NPAS4: variants seen among roughly 807,000 people sequenced by gnomAD.
NPAS4 encodes the protein neuronal PAS domain protein 4.
Under a neutral mutation model 64.0 loss-of-function variants are expected in NPAS4, and 10 were observed. The observed-to-expected ratio is 0.16, with a 90% CI of 0.10 to 0.26. NPAS4 has a LOEUF of 0.26. Ranked by LOEUF, NPAS4 falls within the 10% of genes least tolerant of loss-of-function variation. The probability of loss-of-function intolerance (pLI) is 1.00; values close to 1 mark genes in which losing one functional copy is unlikely to be tolerated. For missense variants in NPAS4, 886 were observed against 992.6 expected, an observed-to-expected ratio of 0.89 and a Z score of 1.44; for synonymous variants, 441 against 411.7, an observed-to-expected ratio of 1.07 and a Z score of -0.86.
chr11:66,414,115 G>A, the NPAS4 span, among the ~76,000 whole-genome samples: 1 of 152,158 alleles, frequency 6.6e-6, no homozygotes, highest in South Asian at 2.1e-4. Context: ...TGCAGAGTGC[G>A]GTGACGAGGA....
rs148733381 is a variant in NPAS4 at position 66,423,655 on chromosome 11, T to G, written c.886T>G (p.Cys296Gly). The G allele has an allele frequency of 1.2e-6, 2 of 1,614,020 alleles. No homozygotes were observed. The highest frequency in any genetic ancestry group is 1.7e-6 in the Non-Finnish European group (2 of 1,179,996). The change falls in exon 6 of 8, where the codon TGC (cysteine) becomes GGC (glycine). Residue 296 changes from cysteine (C) to glycine (G), a missense_variant. Cys to Gly is a radical substitution (Grantham distance 159). Transcript: ENST00000311034. ...GACTGGAGGCTGGGCATGGATTTAC[T>G]GCCTGTTATACTCAGAAGGTCCAGA... ...AKTGGWAWIY[C>G]LLYSEGPEGP... is the part of the protein sequence containing the mutation.
chr11:66,410,281 G>T, the NPAS4 span: 2 of 152,390 alleles, frequency 1.3e-5, no homozygotes, highest in Non-Finnish European at 2.9e-5. Flanking sequence ...ACCCAGAGGT[G>T]GAGCCGAACA....
chr11:66,419,190 G>A (rs1856702021), upstream of NPAS4, among the ~76,000 whole-genome samples: 1 of 152,144 alleles, frequency 6.6e-6, no homozygotes. Context: ...TGTCATCCAG[G>A]TCAATGGGGT....
upstream of NPAS4, among the ~76,000 whole-genome samples, chr11:66,420,717 C>T (rs1197013902): frequency 1.3e-5 from 2 of 152,220 alleles, no homozygotes; most frequent in Admixed American, 1.3e-4. Context: ...CTTCCCTCAA[C>T]TGAACGCATT....
chr11:66,413,875 T>G, the NPAS4 span, among the ~76,000 whole-genome samples: 2 of 152,150 alleles, frequency 1.3e-5, no homozygotes, highest in African/African-American at 4.8e-5. Flanking sequence ...CCCCTTGCTC[T>G]CTCACCAGCC....
rs1856791777 is a variant in NPAS4 at position 66,423,730 on chromosome 11, G to A, written c.944+17G>A. On this transcript the variant is annotated intron_variant, in intron 6 of 7. Transcript: ENST00000311034. ...CCCAATCAGGTAAGCCACAAGCCAG[G>A]GGACTAGGGGGCAGCTGAGGTCGTC... 2 of 1,613,790 alleles carry A rather than the reference G, an allele frequency of 1.2e-6. No individual in the cohort carries two copies. Among genetic ancestry groups the A allele is most frequent in the African/African-American group, 2.7e-5 (2 of 74,898 alleles).
At chr11:66,419,046 T>A (rs1033854762), upstream of NPAS4, among the ~76,000 whole-genome samples, 7 of 152,076 alleles carry the variant, frequency 4.6e-5, no homozygotes, top group Non-Finnish European at 1.0e-4. Flanking sequence ...CCCCTGGAAT[T>A]TCATACGGAA....
Position 66,424,812 on chromosome 11 carries a change from A to C in NPAS4, c.1922A>C (p.Gln641Pro), listed in dbSNP as rs1856813907. The change falls in exon 7 of 8, where the codon CAA (glutamine) becomes CCA (proline). Residue 641 changes from glutamine (Q) to proline (P), a missense_variant. Coordinates refer to ENST00000311034, the MANE Select transcript of NPAS4 (RefSeq NM_178864.4). ...EIDRLIQQIS[Q>P]LAQGMDRPFS... ...GACCGTCTCATCCAGCAGATTAGCC[A>C]ATTGGCTCAGGGCATGGACAGACCC... The C allele has an allele frequency of 6.2e-7, 1 of 1,613,878 alleles. No individual in the cohort carries two copies. Among genetic ancestry groups the C allele is most frequent in the Non-Finnish European group, 8.5e-7 (1 of 1,180,010 alleles).
At chr11:66,421,410 G>A (rs544028768) in intron 1 of NPAS4, 56 bp downstream of exon 1, 138 of 1,549,850 alleles carry the variant, frequency 8.9e-5, no homozygotes, top group Non-Finnish European at 1.2e-4. Context: ...AGACCCTGGA[G>A]CTGAGGGAAC....
chr11:66,423,034 A>AG, intron 4 of NPAS4, 89 bp from the exon 5 acceptor site: 5 of 1,510,632 alleles, frequency 3.3e-6, no homozygotes, highest in Non-Finnish European at 4.5e-6. Flanking sequence ...GATGGGGTTT[A>AG]GGGGGGCAGA....
the NPAS4 span, among the ~76,000 whole-genome samples, chr11:66,414,444 C>T: frequency 6.6e-6 from 1 of 152,142 alleles, no homozygotes; most frequent in Non-Finnish European, 1.5e-5. Flanking sequence ...CTTTTCCCAC[C>T]TGGGCTCTAC....
In NPAS4 at chr11:66,422,719, G is replaced by T. The variant is rs766810347; in HGVS notation, c.476G>T (p.Arg159Leu). The change falls in exon 4 of 8, where the codon CGC (arginine) becomes CTC (leucine). Residue 159 changes from arginine (R) to leucine (L), a missense_variant. By Grantham distance (102) the Arg-to-Leu change is moderately radical. Coordinates refer to ENST00000311034, the MANE Select transcript of NPAS4 (RefSeq NM_178864.4). ...CRFNTSKSLR[R>L]QSAGNKLVLI... is the part of the protein sequence containing the mutation. Reference sequence around the variant, plus strand: ...TTCAACACCTCCAAGTCCCTCAGGCGCCAGAGTGCAGGCAACAAACTCGTG... The same window carrying T: ...TTCAACACCTCCAAGTCCCTCAGGCTCCAGAGTGCAGGCAACAAACTCGTG... 2 of 1,613,964 alleles carry T rather than the reference G, an allele frequency of 1.2e-6. No homozygotes were observed. The highest frequency in any genetic ancestry group is 1.7e-6 in the Non-Finnish European group (2 of 1,179,954).
rs763522178 is a variant in NPAS4, at chr11:66,421,154, G to A, written c.-26G>A. On this transcript the variant is annotated 5_prime_UTR_variant, in exon 1 of 8. Transcript: ENST00000311034. ...CGGGAGCGCAGGTGCTCGGGCACCC[G>A]AGCTGGAGCTCCGCAGCCGCCGGTC... The A allele has an allele frequency of 1.3e-6, 2 of 1,570,724 alleles. No individual in the cohort carries two copies. Among genetic ancestry groups the A allele is most frequent in the African/African-American group, 1.4e-5 (1 of 73,662 alleles).
At position 66,422,858 on chromosome 11, in the gene NPAS4, T is replaced by C. The variant is rs1432332634; in HGVS notation, c.615T>C (p.Pro205=). 10 of 1,612,850 alleles carry C rather than the reference T, an allele frequency of 6.2e-6. No individual in the cohort carries two copies. Among genetic ancestry groups the C allele is most frequent in the Non-Finnish European group, 8.5e-6 (10 of 1,180,012 alleles). The change falls in exon 4 of 8, where the codon CCT becomes CCC. Residue 205 remains proline (P), a synonymous_variant. Coordinates refer to ENST00000311034, the MANE Select transcript of NPAS4 (RefSeq NM_178864.4). The stretch of plus-strand genomic sequence containing the variant: ...CGAGACCCCGCCCAGGTCCTGGCCC[T>C]GGCCCTGGCCCTGCCTCGCTCTTCC... ...LEPRPRPGPG[P]GPGPASLFLA... is the part of the protein sequence containing the mutation.
rs939601754 is a variant in NPAS4 at position 66,425,982 on chromosome 11, C to T, written c.2402C>T (p.Thr801Met). The T allele has an allele frequency of 5.0e-6, 8 of 1,611,650 alleles. No homozygotes were observed. Among genetic ancestry groups the T allele is most frequent in the East Asian group, 2.2e-5 (1 of 44,868 alleles). ...GCAGATGGAAGTGGAGGGGAACCAA[C>T]GTTTTGAATAAGTCTGTGACTTAAC... ...FHEDGSGGEP[T>M]F The change falls in exon 8 of 8, where the codon ACG becomes ATG. Residue 801 changes from threonine to methionine, a missense_variant. Thr to Met is a moderately conservative substitution (Grantham distance 81, BLOSUM62 -1). Around this residue, in one of 3 missense-constraint regions of NPAS4, gnomAD observed 28 missense variants for 57.0 expected, o/e 0.49. Transcript: ENST00000311034.
chr11:66,417,467 G>A (rs778749680), upstream of NPAS4, among the ~76,000 whole-genome samples: 1 of 152,158 alleles, frequency 6.6e-6, no homozygotes, highest in Non-Finnish European at 1.5e-5. Flanking sequence ...GAGAGGTCAT[G>A]TGGGGCTCCT....
At chr11:66,413,962 C>T in the NPAS4 span, among the ~76,000 whole-genome samples, 22 of 152,310 alleles carry the variant, frequency 1.4e-4, no homozygotes, top group African/African-American at 5.1e-4. Context: ...AAACTCTGCC[C>T]TCAGCTGTTT....
chr11:66,423,426 G>T, intron 5 of NPAS4, 152 bp from the exon 6 acceptor site: 1 of 909,556 alleles, frequency 1.1e-6, no homozygotes. Flanking sequence ...TCTGAGTGGT[G>T]AGGTCAAGGT....
Position 66,423,106 on chromosome 11 carries a change from C to A in NPAS4, c.699-17C>A, listed in dbSNP as rs745386566. On this transcript the variant is annotated splice_polypyrimidine_tract_variant and intron_variant, in intron 4 of 7. Transcript: ENST00000311034. ...AAGGAAAACAGAAAGCTGACCTCAC[C>A]CTTTCCACCTTCCCAGTGTCCTAAT... 6.4e-7 allele frequency: 1 copy of A among 1,573,996 alleles called. No individual in the cohort carries two copies. Among genetic ancestry groups the A allele is most frequent in the African/African-American group, 1.3e-5 (1 of 74,414 alleles).
Sources: gnomAD v4.1 joint callset for allele counts (sites outside exome capture counted in the v4.1 genomes callset) on GRCh38, gnomAD v4.1.1 for gene constraint, gnomAD v4.1.1 regional missense constraint, MANE v1.5 for transcripts, NCBI Gene and HGNC (gene_info 2026-07-23, HGNC 2026-07-21) for gene names.